The following FGGY variants were observed in gnomAD, a reference collection of about 807,000 sequenced individuals.
FGGY encodes the protein FGGY carbohydrate kinase domain containing, also known as FGGY carbohydrate kinase domain-containing protein.
A neutral mutation model predicts 71.3 loss-of-function variants in FGGY; 72 were observed. The ratio of observed to expected loss-of-function variants is 1.01; its 90% CI spans 0.84 to 1.23. The LOEUF is 1.23. Ranked by LOEUF, FGGY falls within the 50% of genes most tolerant of loss-of-function variation. The pLI, the probability that FGGY is intolerant of heterozygous loss-of-function variation, is 0.00. For missense variants in FGGY, 668 were observed against 682.3 expected (o/e 0.98, Z 0.23); for synonymous variants, 251 against 250.3 (o/e 1.00, Z -0.02).
intron 4 of FGGY, among the ~76,000 whole-genome samples, chr1:59,374,965 A>G (rs1226002245): frequency 1.3e-5 from 2 of 150,906 alleles, no homozygotes; most frequent in Non-Finnish European, 3.0e-5. Context: ...ACCTAATGCT[A>G]GATGACGAGT....
chr1:59,465,718 CAG>C (rs2092579110), intron 6 of FGGY, among the ~76,000 whole-genome samples: 2 of 152,094 alleles, frequency 1.3e-5, no homozygotes, highest in African/African-American at 2.4e-5. Flanking sequence ...CAACAACAGA[CAG>C]ACAGAGCCAA....
chr1:59,723,686 A>G (rs1275337590), intron 14 of FGGY, among the ~76,000 whole-genome samples: 1 of 152,162 alleles, frequency 6.6e-6, no homozygotes, highest in Non-Finnish European at 1.5e-5. Flanking sequence ...TACACTAGTA[A>G]CACAGTTACA....
intron 4 of FGGY, among the ~76,000 whole-genome samples, chr1:59,360,056 GTC>G (rs1170084681): frequency 6.6e-6 from 1 of 151,780 alleles, no homozygotes; most frequent in African/African-American, 2.4e-5. Context: ...AGGAAATACA[GTC>G]TCTCTCTCAT....
chr1:59,740,862 G>A (rs78504650), intron 14 of FGGY, among the ~76,000 whole-genome samples: 2,402 of 152,208 alleles, frequency 0.016, 66 homozygotes, highest in African/African-American at 0.055. Flanking sequence ...TATTGAACCC[G>A]CGAGATGTGG....
At chr1:59,726,548 T>C (rs908886787) in intron 14 of FGGY, among the ~76,000 whole-genome samples, 3 of 152,128 alleles carry the variant, frequency 2.0e-5, no homozygotes, top group African/African-American at 4.8e-5. Context: ...GTAAAAACCA[T>C]TTGGGCCTGG....
At chr1:59,514,513 G>C (rs1177893438) in intron 7 of FGGY, among the ~76,000 whole-genome samples, 2 of 152,192 alleles carry the variant, frequency 1.3e-5, no homozygotes, top group African/African-American at 4.8e-5. Flanking sequence ...TTTGGCTTAA[G>C]CCTTTTGTTC....
chr1:59,648,835 C>T (rs1314181495), intron 11 of FGGY, among the ~76,000 whole-genome samples: 3 of 152,118 alleles, frequency 2.0e-5, no homozygotes, highest in Non-Finnish European at 4.4e-5. Context: ...ATGCCTATGT[C>T]CTGAATGGTC....
At chr1:59,554,367 C>T in intron 8 of FGGY, 140 bp downstream of exon 8, 1 of 576,452 alleles carries the variant, frequency 1.7e-6, no homozygotes, top group Non-Finnish European at 3.0e-6. Context: ...TAGCCAGAAG[C>T]CCAGCTCCCC....
intron 6 of FGGY, among the ~76,000 whole-genome samples, chr1:59,477,048 G>T (rs984578820): frequency 2.0e-5 from 3 of 152,120 alleles, no homozygotes; most frequent in Admixed American, 2.0e-4. Flanking sequence ...ATTGACTTGG[G>T]ACTTGCTTCT....
intron 14 of FGGY, among the ~76,000 whole-genome samples, chr1:59,744,703 C>T (rs1487646201): frequency 6.6e-6 from 1 of 152,238 alleles, no homozygotes; most frequent in Non-Finnish European, 1.5e-5. Context: ...GATCCTACCC[C>T]TGATTCATTC....
intron 6 of FGGY, 144 bp from the exon 7 acceptor site, chr1:59,512,167 G>A: frequency 1.3e-6 from 1 of 797,248 alleles, no homozygotes; most frequent in Non-Finnish European, 1.8e-6. Context: ...GATGAGCAAA[G>A]GGACTCTTGA....
intron 14 of FGGY, among the ~76,000 whole-genome samples, chr1:59,741,938 C>CAAAAAA (rs11347068): frequency 1.2e-5 from 1 of 85,214 alleles, no homozygotes; most frequent in African/African-American, 4.7e-5. Flanking sequence ...GACTCCATCT[C>CAAAAAA]AAAAAAAAAA....
intron 8 of FGGY, among the ~76,000 whole-genome samples, chr1:59,555,687 T>C (rs2095673747): frequency 6.6e-6 from 1 of 152,094 alleles, no homozygotes; most frequent in African/African-American, 2.4e-5. Flanking sequence ...TTGAATGGAA[T>C]TTTTCTAAGT....
intron 14 of FGGY, among the ~76,000 whole-genome samples, chr1:59,727,761 C>G (rs987874184): frequency 6.6e-6 from 1 of 152,136 alleles, no homozygotes; most frequent in African/African-American, 2.4e-5. Flanking sequence ...GCAAAAAGAA[C>G]AAGGCCAGAG....
chr1:59,730,468 T>C (rs1180121585), intron 14 of FGGY, among the ~76,000 whole-genome samples: 1 of 152,190 alleles, frequency 6.6e-6, no homozygotes, highest in Non-Finnish European at 1.5e-5. Context: ...GTTTTATTCA[T>C]AGCTACAGCT....
At chr1:59,624,547 A>G (rs1277778925) in intron 9 of FGGY, among the ~76,000 whole-genome samples, 8 of 152,162 alleles carry the variant, frequency 5.3e-5, no homozygotes, top group Admixed American at 5.2e-4. Context: ...TACTGCTGAT[A>G]CGGACATACC....
intron 5 of FGGY, among the ~76,000 whole-genome samples, chr1:59,384,938 G>A (rs970296252): frequency 6.6e-6 from 1 of 152,178 alleles, no homozygotes; most frequent in Admixed American, 6.6e-5. Flanking sequence ...GGGCCAAGGA[G>A]AGATTGAAAT....
chr1:59,504,735 T>C (rs2153615034), intron 6 of FGGY, among the ~76,000 whole-genome samples: 1 of 152,338 alleles, frequency 6.6e-6, no homozygotes, highest in South Asian at 2.1e-4. Context: ...ACATTTCTTG[T>C]CCCAGTAGCA....
intron 14 of FGGY, among the ~76,000 whole-genome samples, chr1:59,731,547 G>A (rs2100937501): frequency 6.6e-6 from 1 of 152,010 alleles, no homozygotes; most frequent in African/African-American, 2.4e-5. Context: ...TGATTAGCCA[G>A]TTCGTATTCC....
Sources: gnomAD v4.1 joint callset for allele counts (sites outside exome capture counted in the v4.1 genomes callset) on GRCh38, gnomAD v4.1.1 for gene constraint, MANE v1.5 for transcripts, NCBI Gene and HGNC (gene_info 2026-07-23, HGNC 2026-07-21) for gene names.